LRCH3: variants seen among roughly 807,000 people sequenced by gnomAD.
LRCH3 encodes the protein DISP complex protein LRCH3.
In LRCH3, 68 loss-of-function variants were observed where a neutral mutation model predicts 104.5. That is an observed-to-expected ratio of 0.65 (90% confidence interval 0.54 to 0.80). The LOEUF (loss-of-function observed/expected upper bound fraction) is 0.80. Ranked by LOEUF, LRCH3 falls within the 30% of genes least tolerant of loss-of-function variation. The pLI is 0.00. For synonymous variants in LRCH3, 344 were observed against 361.3 expected (o/e 0.95, Z 0.54); for missense variants, 951 against 953.9 (o/e 1.00, Z 0.04).
intron 1 of LRCH3, among the ~76,000 whole-genome samples, chr3:197,813,633 C>G (rs184556187): frequency 1.4e-5 from 2 of 142,186 alleles, no homozygotes. Flanking sequence ...CAGGTTCAAG[C>G]GATTCTCCTG....
At position 197,815,091 on chromosome 3, in the gene LRCH3, A is replaced by G. The variant is rs772194335; in HGVS notation, c.407+39A>G. 2.4e-6 allele frequency: 3 copies of G among 1,269,448 alleles called. No individual in the cohort carries two copies. In the South Asian group the frequency reaches 4.7e-5, roughly 20 times the overall value. 78.6% of individuals were successfully genotyped at this position (1,269,448 alleles called of 1,614,324 possible). A position where few individuals can be genotyped will look rare whatever the true frequency, so the allele number is the denominator to read the frequency against. ...TTTCTTATTTTAAATTTTTGGTTTT[A>G]TGTGATCTTTTCGATTTTCCCCTTT... On this transcript the variant is annotated intron_variant, in intron 2 of 20. Coordinates refer to ENST00000425562, the MANE Select transcript of LRCH3 (RefSeq NM_001365715.1).
At chr3:197,871,150 C>T (rs575576649) in intron 18 of LRCH3, among the ~76,000 whole-genome samples, 175 bp from the exon 19 acceptor site, 5 of 151,786 alleles carry the variant, frequency 3.3e-5, no homozygotes, top group African/African-American at 7.2e-5. Context: ...CCCTGGCTGC[C>T]GTCCATATAT....
At chr3:197,820,677 C>G (rs945214176) in intron 4 of LRCH3, among the ~76,000 whole-genome samples, 1 of 152,126 alleles carries the variant, frequency 6.6e-6, no homozygotes, top group African/African-American at 2.4e-5. Flanking sequence ...AGGGGGCTGG[C>G]GCACTCTTGT....
chr3:197,807,373 C>T (rs1170897202), intron 1 of LRCH3, among the ~76,000 whole-genome samples: 5 of 151,904 alleles, frequency 3.3e-5, no homozygotes, highest in Admixed American at 2.0e-4. Context: ...CCCGCCACCA[C>T]GCCCAGCTCA....
rs143989556 is a variant in LRCH3, at chr3:197,838,476, T to C, written c.1252-845T>C. ...TTTCTTGGAAGTAGATGGTAAGTAGTTTTATGTTTGATTTGTAGATATCCT... is the reference window on the plus strand; with the variant it reads ...TTTCTTGGAAGTAGATGGTAAGTAGCTTTATGTTTGATTTGTAGATATCCT... On this transcript the variant is annotated intron_variant, in intron 9 of 20. Coordinates refer to ENST00000425562, the MANE Select transcript of LRCH3 (RefSeq NM_001365715.1). Among the ~76,000 whole-genome samples, 84 of 152,286 alleles carry C rather than the reference T, an allele frequency of 5.5e-4. No individual in the cohort carries two copies. In the East Asian group the frequency reaches 0.013, roughly 24 times the overall value.
intron 1 of LRCH3, among the ~76,000 whole-genome samples, chr3:197,808,461 G>C (rs935341487): frequency 6.6e-6 from 1 of 152,100 alleles, no homozygotes; most frequent in African/African-American, 2.4e-5. Flanking sequence ...TTTCTATTTA[G>C]AGAACTTCCA....
chr3:197,820,534 G>A, intron 4 of LRCH3, 104 bp downstream of exon 4: 1 of 739,032 alleles, frequency 1.4e-6, no homozygotes, highest in Non-Finnish European at 2.2e-6. Flanking sequence ...ATCTAGGCTG[G>A]GCGCTGTGGC....
intron 8 of LRCH3, among the ~76,000 whole-genome samples, chr3:197,835,446 C>CA (rs1232106817): frequency 2.0e-5 from 3 of 148,514 alleles, no homozygotes; most frequent in Non-Finnish European, 4.4e-5. Context: ...CTCCACCTCC[C>CA]AAAGTGCTGG....
chr3:197,826,398 T>G (rs921715279), intron 4 of LRCH3, among the ~76,000 whole-genome samples: 2 of 152,186 alleles, frequency 1.3e-5, no homozygotes, highest in Non-Finnish European at 2.9e-5. Context: ...AGCTGGCAAC[T>G]CCTCCTGACT....
At position 197,884,118 on chromosome 3, in the gene LRCH3, A is replaced by G. The variant is rs535976826; in HGVS notation, c.*452A>G. On this transcript the variant is annotated 3_prime_UTR_variant, in exon 21 of 21. Transcript: ENST00000425562. The stretch of plus-strand genomic sequence containing the variant: ...GATTCACATTCAGTAGAGCTGGGGT[A>G]AGGCCTAGGAATCTGCATTTTCAAC... 7.1e-5 allele frequency: 11 copies of G among 154,392 alleles called. No homozygotes were observed. The South Asian group carries it at 1.4e-3, about 20-fold the overall frequency. 9.6% of individuals were successfully genotyped at this position (154,392 alleles called of 1,614,324 possible).
At position 197,883,066 on chromosome 3, in the gene LRCH3, A is replaced by T; in HGVS notation, c.2209-475A>T. ...TTATAATGCAGATAGCGTAGAACTC[A>T]TGCAGGCTGAGTTATGTTTTCAAAC... On this transcript the variant is annotated intron_variant, in intron 20 of 20. Coordinates refer to ENST00000425562, the MANE Select transcript of LRCH3 (RefSeq NM_001365715.1). The surrounding 1 kb of genome is among the most constrained non-coding windows in gnomAD (Gnocchi z 4.2). The T allele has an allele frequency of 9.1e-6, 9 of 986,098 alleles. No homozygotes were observed. Among genetic ancestry groups the T allele is most frequent in the Non-Finnish European group, 1.1e-5 (9 of 830,416 alleles). 61.1% of individuals were successfully genotyped at this position (986,098 alleles called of 1,614,324 possible). A position where few individuals can be genotyped will look rare whatever the true frequency, so the allele number is the denominator to read the frequency against.
At chr3:197,848,261 T>A in intron 12 of LRCH3, 1 of 419,544 alleles carries the variant, frequency 2.4e-6, no homozygotes, top group East Asian at 4.3e-5. Flanking sequence ...AGCTGCCATT[T>A]CCTCAATTTC....
Position 197,887,020 on chromosome 3 carries a change from G to A in LRCH3, c.*3354G>A, listed in dbSNP as rs556448036. The A allele has an allele frequency of 6.6e-6, 1 of 152,194 alleles. No homozygotes were observed. Among genetic ancestry groups the A allele is most frequent in the South Asian group, 2.1e-4 (1 of 4,822 alleles). 9.4% of individuals were successfully genotyped at this position (152,194 alleles called of 1,614,324 possible). On this transcript the variant is annotated 3_prime_UTR_variant, in exon 21 of 21. Transcript: ENST00000425562. ...AATCAGATTTGTATTTGAATTGTTA[G>A]GAAAAACCATGTGCAGTTTTGGCTG... is the stretch of plus-strand genomic sequence containing the variant.
intron 10 of LRCH3, among the ~76,000 whole-genome samples, chr3:197,843,810 C>T (rs1005226822): frequency 6.6e-6 from 1 of 152,174 alleles, no homozygotes; most frequent in East Asian, 1.9e-4. Context: ...ATATTCCACA[C>T]TTTTTCGGGA....
In LRCH3 at chr3:197,827,090, C is replaced by G. The variant is rs947440212; in HGVS notation, c.777+76C>G. On this transcript the variant is annotated intron_variant, in intron 5 of 20. Coordinates refer to ENST00000425562, the MANE Select transcript of LRCH3 (RefSeq NM_001365715.1). Reference sequence around the variant, plus strand: ...ACCACGGTGGAAGCATCTGGTGAACCATAGTGGAAGCATCAGGTAAATCAT... The same window carrying G: ...ACCACGGTGGAAGCATCTGGTGAACGATAGTGGAAGCATCAGGTAAATCAT... 5.1e-6 allele frequency: 8 copies of G among 1,580,012 alleles called. No individual in the cohort carries two copies. The Admixed American group carries it at 1.5e-4, about 29-fold the overall frequency.
In LRCH3 at chr3:197,835,724, G is replaced by A; in HGVS notation, c.1153G>A (p.Glu385Lys). The A allele has an allele frequency of 2.5e-6, 4 of 1,613,970 alleles. No individual in the cohort carries two copies. Among genetic ancestry groups the A allele is most frequent in the Non-Finnish European group, 3.4e-6 (4 of 1,180,002 alleles). ...IDYIDSCTAE[E>K]EEAEVRQPKG... ...CTACATAGACAGCTGCACCGCAGAG[G>A]AAGAGGAGGCCGAGGTGAGACAGCC... is the stretch of plus-strand genomic sequence containing the variant. Residue 385 changes from glutamate to lysine, a missense_variant, in exon 9 of 21, where the codon GAA (glutamate) becomes AAA (lysine). By Grantham distance (56) the Glu-to-Lys change is moderately conservative. Transcript: ENST00000425562.
chr3:197,795,092 T>C (rs1046068025), intron 1 of LRCH3, among the ~76,000 whole-genome samples: 1 of 152,032 alleles, frequency 6.6e-6, no homozygotes, highest in African/African-American at 2.4e-5. Flanking sequence ...ACAAGGAAAG[T>C]CTTAGAAGAC....
At chr3:197,874,010 ACT>A (rs1166501848) in intron 19 of LRCH3, among the ~76,000 whole-genome samples, 1 of 136,794 alleles carries the variant, frequency 7.3e-6, no homozygotes, top group Non-Finnish European at 1.6e-5. Context: ...ACAGAGTGAG[ACT>A]CTGTCTCAAA....
chr3:197,797,669 T>C (rs1455418192), intron 1 of LRCH3, among the ~76,000 whole-genome samples: 5 of 151,652 alleles, frequency 3.3e-5, no homozygotes, highest in African/African-American at 1.2e-4. Context: ...GAGACCAGTC[T>C]GCCCAACACG....
Sources: allele counts gnomAD v4.1 joint callset (sites outside exome capture counted in the v4.1 genomes callset), GRCh38; gene constraint gnomAD v4.1.1; non-coding constraint Gnocchi (gnomAD v3.1); transcripts MANE v1.5; gene names NCBI Gene and HGNC (gene_info 2026-07-23, HGNC 2026-07-21).